The following PCNX4 variants were observed in gnomAD, a reference collection of about 807,000 sequenced individuals.
PCNX4 encodes the protein pecanex-like protein 4.
A neutral mutation model predicts 107.2 loss-of-function variants in PCNX4; 103 were observed. The observed-to-expected ratio is 0.96, with a 90% CI of 0.82 to 1.13. The LOEUF (loss-of-function observed/expected upper bound fraction) is 1.13. Ranked by LOEUF, PCNX4 falls within the 50% of genes most tolerant of loss-of-function variation. PCNX4 has a pLI of 0.00. For synonymous variants in PCNX4, 541 were observed against 481.7 expected, an observed-to-expected ratio of 1.12 and a Z score of -1.61; for missense variants, 1,528 against 1,379.4, an observed-to-expected ratio of 1.11 and a Z score of -1.71.
rs185428541 is a variant in PCNX4, at chr14:60,130,546, A to G, written c.3268-3424A>G. 4.1e-4 allele frequency among the ~76,000 whole-genome samples: 63 copies of G among 152,254 alleles called. No individual in the cohort carries two copies. The Middle Eastern group carries it at 0.01, about 25-fold the overall frequency. ...AAGAATGTCTACCCTTACCACTTCT[A>G]TTAAACATTGTACTAGAACTTCTAG... On this transcript the variant is annotated intron_variant, in intron 10 of 10. Coordinates refer to ENST00000406854, the MANE Select transcript of PCNX4 (RefSeq NM_001330177.2).
rs1896255087 is a variant in PCNX4, at chr14:60,137,650, A to G, written c.*3429A>G. On this transcript the variant is annotated 3_prime_UTR_variant, in exon 11 of 11. Coordinates refer to ENST00000406854, the MANE Select transcript of PCNX4 (RefSeq NM_001330177.2). ...CCACAGGGGACCCAGATAATGAGCT[A>G]TACAACACAGGGTCTAAAATTACTA... 1.3e-5 allele frequency: 2 copies of G among 152,246 alleles called. No homozygotes were observed. Among genetic ancestry groups the G allele is most frequent in the Non-Finnish European group, 1.5e-5 (1 of 68,038 alleles). 9.4% of individuals were successfully genotyped at this position (152,246 alleles called of 1,614,324 possible).
At position 60,139,528 on chromosome 14, in the gene PCNX4, T is replaced by C. The variant is rs1334835650; in HGVS notation, c.*5307T>C. 2.6e-5 allele frequency: 4 copies of C among 152,124 alleles called. No homozygotes were observed. The highest frequency in any genetic ancestry group is 9.7e-5 in the African/African-American group (4 of 41,446). The allele number at this position is 152,124 out of a possible 1,614,324, so 9.4% of individuals were successfully genotyped here. A position where few individuals can be genotyped will look rare whatever the true frequency, so the allele number is the denominator to read the frequency against. ...AAGTCTGCATTCCCAGATTTTAATA[T>C]ACTCAGTAACAGAACAGCAGCCATG... On this transcript the variant is annotated 3_prime_UTR_variant, in exon 11 of 11. Coordinates refer to ENST00000406854, the MANE Select transcript of PCNX4 (RefSeq NM_001330177.2).
Position 60,124,511 on chromosome 14 carries a change from G to T in PCNX4, c.2340G>T (p.Glu780Asp). The T allele has an allele frequency of 6.2e-7, 1 of 1,613,764 alleles. No homozygotes were observed. The highest frequency in any genetic ancestry group is 8.5e-7 in the Non-Finnish European group (1 of 1,179,750). The change falls in exon 9 of 11, where the codon GAG (glutamate) becomes GAT (aspartate). Residue 780 changes from glutamate to aspartate, a missense_variant. Glu to Asp is a conservative substitution (Grantham distance 45). Coordinates refer to ENST00000406854, the MANE Select transcript of PCNX4 (RefSeq NM_001330177.2). ...QYCSKRPGMK[E>D]NVHNTENKGK... ...GCTCCAAAAGGCCTGGCATGAAAGAGAATGTTCACAACACTGAAAATAAAG... is the reference window on the plus strand; with the variant it reads ...GCTCCAAAAGGCCTGGCATGAAAGATAATGTTCACAACACTGAAAATAAAG...
At chr14:60,132,685 A>G (rs979764567) in intron 10 of PCNX4, among the ~76,000 whole-genome samples, 7 of 152,112 alleles carry the variant, frequency 4.6e-5, no homozygotes, top group Non-Finnish European at 1.0e-4. Context: ...ACAGAATGGG[A>G]AAAATATTTG....
rs1896025046 is a variant in PCNX4 at position 60,124,930 on chromosome 14, GT to G, written c.2760del (p.Cys920Ter). 6.2e-7 allele frequency: 1 copy of G among 1,613,834 alleles called. No homozygotes were observed. Among genetic ancestry groups the G allele is most frequent in the Admixed American group, 1.7e-5 (1 of 60,012 alleles). Reference protein sequence around the residue: ...VCLPAEWRTSCMPSSKMKEMS... With the variant: ...VCLPAEWRTSXMPSSKMKEMS... ...TTACCCGCAGAGTGGAGGACTAGCTGTATGCCCAGTTCCAAAATGAAGGAGA... is the reference window on the plus strand; with the variant it reads ...TTACCCGCAGAGTGGAGGACTAGCTGATGCCCAGTTCCAAAATGAAGGAGA... On this transcript the variant is annotated frameshift_variant, in exon 9 of 11. Transcript: ENST00000406854. LOFTEE classifies it high-confidence loss of function.
At chr14:60,094,488 C>T (rs922900777) in intron 1 of PCNX4, among the ~76,000 whole-genome samples, 5 of 152,278 alleles carry the variant, frequency 3.3e-5, no homozygotes, top group Admixed American at 2.0e-4. Context: ...TGCCTAACCA[C>T]CTGACCACAA....
chr14:60,122,565 AT>A (rs747029713), intron 8 of PCNX4, among the ~76,000 whole-genome samples: 48 of 151,960 alleles, frequency 3.2e-4, no homozygotes, highest in Non-Finnish European at 6.3e-4. Flanking sequence ...TCCCACTCTT[AT>A]CCCAGCACTC....
chr14:60,133,684 C>T (rs1226241569), intron 10 of PCNX4: 1 of 569,966 alleles, frequency 1.8e-6, no homozygotes, highest in African/African-American at 1.8e-5. Flanking sequence ...GCTGAGGCAA[C>T]AGATCAGAAA....
In PCNX4 at chr14:60,144,574, T is replaced by C. The variant is rs1896350079; in HGVS notation, c.*10353T>C. On this transcript the variant is annotated 3_prime_UTR_variant, in exon 11 of 11. Transcript: ENST00000406854. ...AGATCAGCCTTCACCAGACACTAAT[T>C]CTGCTGGTGCATTGGTCTTGGAATT... 1 of 206,582 alleles carries C rather than the reference T, an allele frequency of 4.8e-6. No homozygotes were observed. 12.8% of individuals were successfully genotyped at this position (206,582 alleles called of 1,614,324 possible).
chr14:60,123,000 ACT>A lies in PCNX4; in HGVS notation c.2047-1215_2047-1214del, dbSNP rs569660599. Among the ~76,000 whole-genome samples, 17 of 152,088 alleles carry A rather than the reference ACT, an allele frequency of 1.1e-4. No homozygotes were observed. The South Asian group carries it at 3.5e-3, about 32-fold the overall frequency. The stretch of plus-strand genomic sequence containing the variant: ...CTACCCTGAACCTACTAAGTTAGAA[ACT>A]CTAGGGGTGGGATCAGCAACCTGTA... On this transcript the variant is annotated intron_variant, in intron 8 of 10. Transcript: ENST00000406854.
intron 7 of PCNX4, among the ~76,000 whole-genome samples, chr14:60,119,234 A>G (rs1231701548): frequency 2.0e-5 from 3 of 152,210 alleles, no homozygotes; most frequent in African/African-American, 4.8e-5. Flanking sequence ...CTATTCAGTT[A>G]CTAGCAAGAT....
At chr14:60,100,748 TAACCCTGTATATCTTGACTTTCC>T (rs1685992597) in intron 1 of PCNX4, among the ~76,000 whole-genome samples, 1 of 152,232 alleles carries the variant, frequency 6.6e-6, no homozygotes, top group Non-Finnish European at 1.5e-5. Context: ...GGGTTTTATT[TAACCCTGTATATCTTGACTTTCC>T]AATCTGACTC....
intron 1 of PCNX4, among the ~76,000 whole-genome samples, chr14:60,101,825 A>G (rs931116871): frequency 6.6e-6 from 1 of 152,254 alleles, no homozygotes; most frequent in East Asian, 1.9e-4. Flanking sequence ...GCATTATTCA[A>G]CTTAAATGTC....
intron 6 of PCNX4, among the ~76,000 whole-genome samples, chr14:60,117,483 A>G (rs986645960): frequency 4.6e-5 from 7 of 152,220 alleles, no homozygotes; most frequent in Non-Finnish European, 8.8e-5. Flanking sequence ...TGTACGCTCT[A>G]TAATATTCAC....
At chr14:60,127,394 T>C (rs1167593277) in intron 10 of PCNX4, among the ~76,000 whole-genome samples, 3 of 152,156 alleles carry the variant, frequency 2.0e-5, no homozygotes, top group South Asian at 2.1e-4. Flanking sequence ...GTTGAAAACA[T>C]AGAGTAACCA....
chr14:60,111,081 C>T, intron 2 of PCNX4: 1 of 165,952 alleles, frequency 6.0e-6, no homozygotes, highest in Non-Finnish European at 1.5e-5. Context: ...TCACCAGAAC[C>T]TGACTATACT....
chr14:60,100,774 T>C (rs931462382), intron 1 of PCNX4, among the ~76,000 whole-genome samples: 2 of 152,216 alleles, frequency 1.3e-5, no homozygotes, highest in Non-Finnish European at 1.5e-5. Flanking sequence ...GACTTTCCAA[T>C]CTGACTCTGG....
chr14:60,125,567 A>G lies in PCNX4; in HGVS notation c.3081-70A>G, dbSNP rs1896038904. On this transcript the variant is annotated intron_variant, in intron 9 of 10. Coordinates refer to ENST00000406854, the MANE Select transcript of PCNX4 (RefSeq NM_001330177.2). ...TTCAATGTCTTAAAATATTGGTTTA[A>G]CAAAATCTATTTGATCTTTAAAGTT... The G allele has an allele frequency of 1.4e-5, 16 of 1,163,388 alleles. No individual in the cohort carries two copies. The East Asian group carries it at 4.6e-4, about 33-fold the overall frequency. 72.1% of individuals were successfully genotyped at this position (1,163,388 alleles called of 1,614,324 possible). A position where few individuals can be genotyped will look rare whatever the true frequency, so the allele number is the denominator to read the frequency against.
intron 1 of PCNX4, among the ~76,000 whole-genome samples, chr14:60,104,742 C>G (rs1335627976): frequency 6.6e-6 from 1 of 152,142 alleles, no homozygotes; most frequent in African/African-American, 2.4e-5. Flanking sequence ...TATTCACTAC[C>G]ACAAGAACAG....
Sources: gnomAD v4.1 joint callset for allele counts (sites outside exome capture counted in the v4.1 genomes callset) on GRCh38, gnomAD v4.1.1 for gene constraint, MANE v1.5 for transcripts, NCBI Gene and HGNC (gene_info 2026-07-23, HGNC 2026-07-21) for gene names.